IL22RA2: variants seen among roughly 807,000 people sequenced by gnomAD.
IL22RA2 encodes interleukin 22 receptor subunit alpha 2.
A neutral mutation model predicts 30.7 loss-of-function variants in IL22RA2; 39 were observed. The observed-to-expected ratio is 1.27, with a 90% CI of 0.98 to 1.66. The LOEUF (loss-of-function observed/expected upper bound fraction) is 1.66, where lower values mean the gene tolerates loss of function less well. IL22RA2 is among the 40% of genes most tolerant of loss of function. The pLI, the probability that IL22RA2 is intolerant of heterozygous loss-of-function variation, is 0.00. For synonymous variants in IL22RA2, 103 were observed against 105.0 expected (o/e 0.98, Z 0.11); for missense variants, 315 against 312.7 (o/e 1.01, Z -0.05).
At chr6:137,162,765 C>T (rs1778547418) in intron 1 of IL22RA2, among the ~76,000 whole-genome samples, 2 of 152,136 alleles carry the variant, frequency 1.3e-5, no homozygotes, top group South Asian at 2.1e-4. Context: ...AAAAGGCTGA[C>T]ATATCCAGTT....
intron 1 of IL22RA2, among the ~76,000 whole-genome samples, chr6:137,169,450 C>A (rs1233310780): frequency 2.0e-5 from 3 of 152,094 alleles, no homozygotes. Flanking sequence ...AACAATAAGG[C>A]CATTCTTTTT....
chr6:137,161,009 T>C (rs1451563565), intron 2 of IL22RA2, among the ~76,000 whole-genome samples: 3 of 152,216 alleles, frequency 2.0e-5, no homozygotes, highest in Non-Finnish European at 4.4e-5. Context: ...ATTTGTTAAC[T>C]TGCATTCTTA....
chr6:137,152,600 T>A (rs763738601), intron 5 of IL22RA2, among the ~76,000 whole-genome samples: 1 of 152,344 alleles, frequency 6.6e-6, no homozygotes, highest in Middle Eastern at 3.4e-3. Context: ...AGTTGCTTTT[T>A]GAGGTGATAA....
intron 5 of IL22RA2, among the ~76,000 whole-genome samples, chr6:137,152,223 AAAC>A (rs1778306171): frequency 6.6e-6 from 1 of 152,092 alleles, no homozygotes; most frequent in Admixed American, 6.5e-5. Context: ...TCAAAAAAAC[AAAC>A]AAGAAAAAAA....
intron 5 of IL22RA2, among the ~76,000 whole-genome samples, chr6:137,150,745 T>C (rs1352535576): frequency 6.6e-6 from 1 of 152,168 alleles, no homozygotes; most frequent in African/African-American, 2.4e-5. Flanking sequence ...TGTTCATCAG[T>C]TTAGTCATGA....
intron 2 of IL22RA2, among the ~76,000 whole-genome samples, chr6:137,160,374 C>T (rs986913490): frequency 6.6e-6 from 1 of 152,178 alleles, no homozygotes; most frequent in African/African-American, 2.4e-5. Context: ...TTATGGTCTT[C>T]CTCTTACAGA....
At chr6:137,153,519 G>A (rs1778335398) in intron 5 of IL22RA2, among the ~76,000 whole-genome samples, 1 of 152,174 alleles carries the variant, frequency 6.6e-6, no homozygotes, top group Admixed American at 6.5e-5. Context: ...AACAACTTAT[G>A]ACATGTTTTT....
intron 2 of IL22RA2, 107 bp from the exon 3 acceptor site, chr6:137,158,589 C>T (rs1211751277): frequency 8.5e-6 from 10 of 1,174,482 alleles, no homozygotes; most frequent in African/African-American, 1.5e-5. Flanking sequence ...AAAGTAGTTG[C>T]TCTAAGTGCA....
chr6:137,163,451 T>A (rs1778564865), intron 1 of IL22RA2, among the ~76,000 whole-genome samples: 1 of 152,204 alleles, frequency 6.6e-6, no homozygotes, highest in Non-Finnish European at 1.5e-5. Flanking sequence ...ATGGGAAATC[T>A]GGGGTCCTTG....
chr6:137,145,463 G>C lies in IL22RA2; in HGVS notation c.*161C>G, dbSNP rs772003210. 2.0e-4 allele frequency: 120 copies of C among 587,518 alleles called. No individual in the cohort carries two copies. Among genetic ancestry groups the C allele is most frequent in the Non-Finnish European group, 3.1e-4 (110 of 354,656 alleles). The allele number at this position is 587,518 out of a possible 1,614,324, so 36.4% of individuals were successfully genotyped here. ...ATATAGTTTACAAATGAAATATAAA[G>C]GATAAAAGAATGGATAAACAAAGAA... On this transcript the variant is annotated 3_prime_UTR_variant, in exon 7 of 7. Coordinates refer to ENST00000296980, the MANE Select transcript of IL22RA2 (RefSeq NM_052962.3).
intron 1 of IL22RA2, among the ~76,000 whole-genome samples, chr6:137,170,689 A>C (rs1778715990): frequency 6.6e-6 from 1 of 152,092 alleles, no homozygotes; most frequent in South Asian, 2.1e-4. Flanking sequence ...ACTTTCCTGA[A>C]CTTTCGGTCT....
In IL22RA2 at chr6:137,145,764, C is replaced by T. The variant is rs1432796478; in HGVS notation, c.652G>A (p.Val218Ile). ...ACCGCTCTGTGAGCCCCTTCATAAA[C>T]CTTTTGCTCCTACACACGAGAGAGA... is the stretch of plus-strand genomic sequence containing the variant. ...INNSLEKEQK[V>I]YEGAHRAVEI... Residue 218 changes from valine to isoleucine, a missense_variant, in exon 7 of 7, where the codon GTT (valine) becomes ATT (isoleucine). Physicochemically the swap from Val to Ile is conservative, Grantham distance 29 (BLOSUM62 3). Transcript: ENST00000296980. 3 of 1,613,898 alleles carry T rather than the reference C, an allele frequency of 1.9e-6. No homozygotes were observed. The highest frequency in any genetic ancestry group is 2.5e-6 in the Non-Finnish European group (3 of 1,179,914).
chr6:137,160,652 T>C (rs189757874), intron 2 of IL22RA2, among the ~76,000 whole-genome samples: 55 of 152,364 alleles, frequency 3.6e-4, no homozygotes, highest in South Asian at 2.7e-3. Flanking sequence ...TAACTTATGT[T>C]AGGCACTATG....
At chr6:137,164,417 G>A (rs1778586637) in intron 1 of IL22RA2, among the ~76,000 whole-genome samples, 1 of 152,192 alleles carries the variant, frequency 6.6e-6, no homozygotes, top group Non-Finnish European at 1.5e-5. Context: ...TCTACTGTAA[G>A]ACTCTAACGG....
intron 1 of IL22RA2, among the ~76,000 whole-genome samples, chr6:137,171,403 T>G (rs1486739089): frequency 6.6e-6 from 1 of 152,068 alleles, no homozygotes; most frequent in Admixed American, 6.5e-5. Flanking sequence ...CCACCCTCCA[T>G]CACAACCATT....
At chr6:137,165,042 G>A (rs1248709454) in intron 1 of IL22RA2, among the ~76,000 whole-genome samples, 1 of 152,156 alleles carries the variant, frequency 6.6e-6, no homozygotes, top group Non-Finnish European at 1.5e-5. Context: ...GGAGAAAAAT[G>A]CATCTTCAAG....
intron 6 of IL22RA2, among the ~76,000 whole-genome samples, chr6:137,146,684 C>T (rs556693046): frequency 3.9e-5 from 6 of 152,138 alleles, no homozygotes; most frequent in East Asian, 1.9e-4. Flanking sequence ...ACAGAAGCAC[C>T]GATGGTGGAT....
rs537662721 is a variant in IL22RA2 at position 137,160,990 on chromosome 6, G to C, written c.61+699C>G. On this transcript the variant is annotated intron_variant, in intron 2 of 6. Transcript: ENST00000296980. Reference sequence around the variant, plus strand: ...AAGTTACTTAAATCACTTACACTGAGAGGTACCCATTTGTTAACTTGCATT... The same window carrying C: ...AAGTTACTTAAATCACTTACACTGACAGGTACCCATTTGTTAACTTGCATT... 5.3e-5 allele frequency among the ~76,000 whole-genome samples: 8 copies of C among 152,304 alleles called. No individual in the cohort carries two copies. The East Asian group carries it at 1.5e-3, about 29-fold the overall frequency.
At chr6:137,158,925 A>T (rs555505928) in intron 2 of IL22RA2, among the ~76,000 whole-genome samples, 1 of 152,218 alleles carries the variant, frequency 6.6e-6, no homozygotes, top group East Asian at 1.9e-4. Flanking sequence ...TCAGCCCAGC[A>T]CTCAGTCCCT....
Sources: allele counts gnomAD v4.1 joint callset (sites outside exome capture counted in the v4.1 genomes callset), GRCh38; gene constraint gnomAD v4.1.1; transcripts MANE v1.5; gene names NCBI Gene and HGNC (gene_info 2026-07-23, HGNC 2026-07-21).